Variants in RASA1 observed in about 807,000 individuals in gnomAD.
RASA1 encodes the protein RAS p21 protein activator 1.
A neutral mutation model predicts 132.2 loss-of-function variants in RASA1; 25 were observed. The observed-to-expected ratio is 0.19, with a 90% CI of 0.14 to 0.26. The LOEUF (loss-of-function observed/expected upper bound fraction) is 0.26. Among genes scored for constraint, RASA1 ranks in the 10% least tolerant of loss-of-function variants. The pLI, the probability that RASA1 is intolerant of heterozygous loss-of-function variation, is 1.00. For missense variants in RASA1, 964 were observed against 1,299.2 expected, an observed-to-expected ratio of 0.74 and a Z score of 3.97; for synonymous variants, 477 against 449.9, an observed-to-expected ratio of 1.06 and a Z score of -0.76.
intron 1 of RASA1, among the ~76,000 whole-genome samples, chr5:87,289,466 C>T (rs369213944): frequency 1.3e-5 from 2 of 151,916 alleles, no homozygotes; most frequent in Admixed American, 6.6e-5. Context: ...GGTGGTTTTT[C>T]CCTCTATTTG....
intron 6 of RASA1, among the ~76,000 whole-genome samples, chr5:87,344,174 A>C (rs1208913671): frequency 6.6e-6 from 1 of 152,136 alleles, no homozygotes; most frequent in Non-Finnish European, 1.5e-5. Flanking sequence ...AAATAACTAA[A>C]AGAGTGGAAT....
intron 1 of RASA1, among the ~76,000 whole-genome samples, chr5:87,293,094 T>C (rs1754976693): frequency 6.6e-6 from 1 of 152,146 alleles, no homozygotes; most frequent in Non-Finnish European, 1.5e-5. Context: ...AGTATACCTT[T>C]TTCCTTTTTC....
chr5:87,316,513 T>C (rs1561275520), intron 1 of RASA1, among the ~76,000 whole-genome samples: 1 of 152,334 alleles, frequency 6.6e-6, no homozygotes, highest in East Asian at 1.9e-4. Context: ...CCCTCAAATT[T>C]CATGGCATTT....
intron 20 of RASA1, among the ~76,000 whole-genome samples, chr5:87,382,078 C>G (rs900489509): frequency 6.6e-6 from 1 of 152,090 alleles, no homozygotes; most frequent in African/African-American, 2.4e-5. Context: ...TTCATCCACC[C>G]AAGTAGCTGG....
chr5:87,376,285 G>A, intron 15 of RASA1, 108 bp from the exon 16 acceptor site: 1 of 1,316,710 alleles, frequency 7.6e-7, no homozygotes, highest in Non-Finnish European at 1.1e-6. Context: ...CTCCTTTAAT[G>A]AAAAGCATTT....
At chr5:87,387,288 C>G (rs1062035) in intron 23 of RASA1, among the ~76,000 whole-genome samples, 19,460 of 152,046 alleles carry the variant, frequency 0.13, 1,589 homozygotes, top group South Asian at 0.27. Context: ...CAGTTCTGAC[C>G]AGGTTAAATA....
intron 11 of RASA1, among the ~76,000 whole-genome samples, chr5:87,365,241 C>G (rs1760422228): frequency 6.6e-6 from 1 of 152,042 alleles, no homozygotes. Flanking sequence ...AGATATTTAA[C>G]AAATGTTTTA....
At chr5:87,382,880 G>T (rs560972283) in intron 20 of RASA1, among the ~76,000 whole-genome samples, 2 of 151,574 alleles carry the variant, frequency 1.3e-5, no homozygotes, top group East Asian at 3.9e-4. Flanking sequence ...CCAGGAATTT[G>T]AAATTGTCCT....
At chr5:87,295,486 C>T (rs1473337832) in intron 1 of RASA1, among the ~76,000 whole-genome samples, 1 of 149,962 alleles carries the variant, frequency 6.7e-6, no homozygotes, top group Non-Finnish European at 1.5e-5. Context: ...TTGAGCACAC[C>T]AGTTATATAT....
Position 87,307,486 on chromosome 5 carries a change from C to T in RASA1, c.540-23862C>T, listed in dbSNP as rs918135685. 1.6e-3 allele frequency among the ~76,000 whole-genome samples: 241 copies of T among 152,250 alleles called. 1 individual carries two copies. Among genetic ancestry groups the T allele is most frequent in the Middle Eastern group, 6.8e-3 (2 of 294 alleles). ...AAAACAACAACAACAACAACAACAA[C>T]AACAACACAAAACTGCCTAATCTGC... On this transcript the variant is annotated intron_variant, in intron 1 of 24. Coordinates refer to ENST00000274376, the MANE Select transcript of RASA1 (RefSeq NM_002890.3).
At chr5:87,355,669 A>G (rs898719684) in intron 9 of RASA1, among the ~76,000 whole-genome samples, 1 of 152,240 alleles carries the variant, frequency 6.6e-6, no homozygotes, top group African/African-American at 2.4e-5. Context: ...AAATAATTTC[A>G]TAATGTTATG....
At chr5:87,357,359 A>G (rs560509172) in intron 9 of RASA1, among the ~76,000 whole-genome samples, 5 of 152,234 alleles carry the variant, frequency 3.3e-5, no homozygotes, top group Admixed American at 3.3e-4. Flanking sequence ...GGATCCTGCC[A>G]TATAGTTCCA....
At chr5:87,273,898 C>G (rs551783585) in intron 1 of RASA1, among the ~76,000 whole-genome samples, 170 of 152,086 alleles carry the variant, frequency 1.1e-3, no homozygotes, top group African/African-American at 3.9e-3. Context: ...GGGTTTCACT[C>G]TGTTGGCCAG....
Position 87,298,960 on chromosome 5 carries a change from T to C in RASA1, c.539+29970T>C, listed in dbSNP as rs550411228. Among the ~76,000 whole-genome samples, 13 of 152,346 alleles carry C rather than the reference T, an allele frequency of 8.5e-5. No homozygotes were observed. In the East Asian group the frequency reaches 2.5e-3, roughly 29 times the overall value. ...GACAGTTAAATAATTTGAGAACTTC[T>C]GCATTTTGGGCCTGTGCTCTTGGAA... On this transcript the variant is annotated intron_variant, in intron 1 of 24. Coordinates refer to ENST00000274376, the MANE Select transcript of RASA1 (RefSeq NM_002890.3).
intron 9 of RASA1, among the ~76,000 whole-genome samples, chr5:87,355,834 A>C (rs76182372): frequency 0.023 from 3,485 of 152,154 alleles, 138 homozygotes; most frequent in African/African-American, 0.079. Context: ...GCTGATTCCA[A>C]CTCTTTTGGA....
intron 1 of RASA1, among the ~76,000 whole-genome samples, chr5:87,303,474 T>TTCTGTATAGGTGTG (rs1232856394): frequency 2.0e-5 from 3 of 152,230 alleles, no homozygotes; most frequent in Admixed American, 1.3e-4. Flanking sequence ...CAGATTTCCC[T>TTCTGTATAGGTGTG]TCAAGCATAA....
intron 17 of RASA1, 29 bp downstream of exon 17, chr5:87,377,069 A>AT: frequency 6.3e-7 from 1 of 1,599,276 alleles, no homozygotes; most frequent in East Asian, 2.2e-5. Context: ...AGTGTGATAC[A>AT]AGAAACTGGG....
chr5:87,295,360 A>C (rs930078210), intron 1 of RASA1, among the ~76,000 whole-genome samples: 1 of 151,742 alleles, frequency 6.6e-6, no homozygotes, highest in Non-Finnish European at 1.5e-5. Flanking sequence ...ATTAATATTC[A>C]CCATATTTCT....
chr5:87,307,385 C>T (rs542683983), intron 1 of RASA1, among the ~76,000 whole-genome samples: 3 of 151,924 alleles, frequency 2.0e-5, no homozygotes, highest in East Asian at 1.9e-4. Context: ...GGCGTCAACC[C>T]GGGAGGCGGA....
Sources: gnomAD v4.1 joint callset for allele counts (sites outside exome capture counted in the v4.1 genomes callset) on GRCh38, gnomAD v4.1.1 for gene constraint, MANE v1.5 for transcripts, NCBI Gene and HGNC (gene_info 2026-07-23, HGNC 2026-07-21) for gene names.